Variants in QSER1 observed in about 807,000 individuals in gnomAD.
QSER1 encodes glutamine and serine-rich protein 1.
A neutral mutation model predicts 158.5 loss-of-function variants in QSER1; 49 were observed. The ratio of observed to expected loss-of-function variants is 0.31; its 90% CI spans 0.25 to 0.39. QSER1 has a LOEUF of 0.39. QSER1 is among the 10% of genes least tolerant of loss of function. QSER1 has a pLI of 1.00. For synonymous variants in QSER1, 650 were observed against 715.5 expected (o/e 0.91, Z 1.46); for missense variants, 1,754 against 2,010.3 (o/e 0.87, Z 2.44).
At position 32,893,508 on chromosome 11, in the gene QSER1, A is replaced by G. The variant is rs1036561652; in HGVS notation, c.209+174A>G. Among the ~76,000 whole-genome samples, 12 of 151,946 alleles carry G rather than the reference A, an allele frequency of 7.9e-5. No individual in the cohort carries two copies. The highest frequency in any genetic ancestry group is 1.8e-4 in the Non-Finnish European group (12 of 67,968). On this transcript the variant is annotated intron_variant, in intron 1 of 12. Coordinates refer to ENST00000650167, the MANE Select transcript of QSER1 (RefSeq NM_001076786.3). The surrounding 1 kb of genome is among the most constrained non-coding windows in gnomAD (Gnocchi z 4.7). ...TGACTCCTACGGGGTGGTCGCGGGT[A>G]GGTGGGGGCGCCCGGTGCAGGATTC...
chr11:32,961,353 T>C (rs1852620966), intron 8 of QSER1, among the ~76,000 whole-genome samples: 1 of 152,220 alleles, frequency 6.6e-6, no homozygotes, highest in Non-Finnish European at 1.5e-5. Flanking sequence ...GTCTTAACTT[T>C]ACATATCTCT....
In QSER1 at chr11:32,934,138, A is replaced by G. The variant is rs778837560; in HGVS notation, c.2880A>G (p.Gly960=). 8.1e-6 allele frequency: 13 copies of G among 1,613,964 alleles called. No individual in the cohort carries two copies. The African/African-American group carries it at 1.7e-4, about 22-fold the overall frequency. ...HDSKNQFVSL[G]SMCFPEAVLL... The stretch of plus-strand genomic sequence containing the variant: ...CAAAGAATCAGTTTGTTTCTCTTGG[A>G]TCGATGTGTTTCCCAGAGGCAGTGC... The change falls in exon 4 of 13, where the codon GGA becomes GGG. Residue 960 remains glycine (G), a synonymous_variant. Coordinates refer to ENST00000650167, the MANE Select transcript of QSER1 (RefSeq NM_001076786.3).
chr11:32,924,184 A>T lies in QSER1; in HGVS notation c.210-2973A>T, dbSNP rs1047674355. Among the ~76,000 whole-genome samples, 69 of 152,326 alleles carry T rather than the reference A, an allele frequency of 4.5e-4. 1 individual carries two copies. The highest frequency in any genetic ancestry group is 1.5e-3 in the African/African-American group (64 of 41,572). ...TGTATTAGTGACTTTGGGTTGGTGA[A>T]GATTTCTTAGGACACCAAAAGCACA... On this transcript the variant is annotated intron_variant, in intron 1 of 12. Transcript: ENST00000650167.
intron 10 of QSER1, among the ~76,000 whole-genome samples, chr11:32,971,859 C>T (rs902706201): frequency 3.3e-5 from 5 of 151,960 alleles, no homozygotes; most frequent in African/African-American, 1.2e-4. Context: ...GTCAGGAGAT[C>T]GAGACCATCC....
intron 1 of QSER1, among the ~76,000 whole-genome samples, chr11:32,914,964 A>G (rs994790210): frequency 8.5e-5 from 13 of 152,118 alleles, no homozygotes; most frequent in African/African-American, 2.9e-4. Context: ...CTGTTCCCCA[A>G]GCTGAAGTGT....
At position 32,893,088 on chromosome 11, in the gene QSER1, C is replaced by A. The variant is rs928703276; in HGVS notation, c.-38C>A. ...CCCGTCACACGGAGCCCTGGAGGAT[C>A]CCCCGCTGCTGCCCGCCCTCCCTAC... is the stretch of plus-strand genomic sequence containing the variant. On this transcript the variant is annotated 5_prime_UTR_variant, in exon 1 of 13. Coordinates refer to ENST00000650167, the MANE Select transcript of QSER1 (RefSeq NM_001076786.3). The surrounding 1 kb of genome is among the most constrained non-coding windows in gnomAD (Gnocchi z 4.7). 4 of 122,440 alleles carry A rather than the reference C, an allele frequency of 3.3e-5. No homozygotes were observed. Among genetic ancestry groups the A allele is most frequent in the Non-Finnish European group, 6.8e-5 (4 of 58,830 alleles). 7.6% of individuals were successfully genotyped at this position (122,440 alleles called of 1,614,324 possible).
intron 1 of QSER1, among the ~76,000 whole-genome samples, chr11:32,913,774 C>G (rs1460267035): frequency 6.6e-6 from 1 of 152,154 alleles, no homozygotes; most frequent in Non-Finnish European, 1.5e-5. Context: ...GTAGGTGTTA[C>G]TATTACCCAT....
At chr11:32,953,787 T>G (rs7395190) in intron 4 of QSER1, 70 bp from the exon 5 acceptor site, 1,228,747 of 1,504,310 alleles carry the variant, frequency 0.82, 505,318 homozygotes, top group East Asian at 0.99. Flanking sequence ...TTAAACTGTT[T>G]TGAGTTTTAC....
intron 1 of QSER1, among the ~76,000 whole-genome samples, chr11:32,902,810 A>G (rs1198258301): frequency 1.1e-4 from 16 of 152,180 alleles, no homozygotes; most frequent in Non-Finnish European, 1.8e-4. Context: ...GTGTTATCTC[A>G]TTTAACTTCT....
intron 1 of QSER1, among the ~76,000 whole-genome samples, chr11:32,921,152 A>T (rs1851894809): frequency 6.6e-6 from 1 of 152,244 alleles, no homozygotes; most frequent in African/African-American, 2.4e-5. Flanking sequence ...ATACAATGGA[A>T]TATTCAGCCC....
chr11:32,931,464 G>A (rs1325501325), intron 3 of QSER1, among the ~76,000 whole-genome samples: 1 of 151,870 alleles, frequency 6.6e-6, no homozygotes, highest in Non-Finnish European at 1.5e-5. Context: ...TGTAGTCTCA[G>A]CTACTTGGGA....
intron 1 of QSER1, among the ~76,000 whole-genome samples, chr11:32,904,312 C>A (rs1189515660): frequency 6.6e-6 from 1 of 151,964 alleles, no homozygotes; most frequent in Non-Finnish European, 1.5e-5. Flanking sequence ...CCTGCCTTGG[C>A]CTCCTGAGTA....
At chr11:32,953,267 G>A (rs1189730529) in intron 4 of QSER1, among the ~76,000 whole-genome samples, 1 of 150,424 alleles carries the variant, frequency 6.6e-6, no homozygotes, top group African/African-American at 2.4e-5. Flanking sequence ...TTTCCCACAT[G>A]TATTTGGTTT....
intron 4 of QSER1, among the ~76,000 whole-genome samples, chr11:32,937,761 C>T (rs1488735181): frequency 2.0e-5 from 3 of 152,164 alleles, no homozygotes; most frequent in Non-Finnish European, 4.4e-5. Context: ...ACTCTCTTTC[C>T]ACTGTCCCTC....
chr11:32,954,269 T>C, intron 5 of QSER1, 90 bp downstream of exon 5: 1 of 1,435,594 alleles, frequency 7.0e-7, no homozygotes, highest in Non-Finnish European at 9.3e-7. Context: ...ATGCATCTAC[T>C]TTGAATTATG....
In QSER1 at chr11:32,932,445, C is replaced by T. The variant is rs1316781879; in HGVS notation, c.1187C>T (p.Ala396Val). 6.2e-7 allele frequency: 1 copy of T among 1,613,202 alleles called. No individual in the cohort carries two copies. The highest frequency in any genetic ancestry group is 8.5e-7 in the Non-Finnish European group (1 of 1,179,886). The change falls in exon 4 of 13, where the codon GCG becomes GTG. Residue 396 changes from alanine (A) to valine (V), a missense_variant. Coordinates refer to ENST00000650167, the MANE Select transcript of QSER1 (RefSeq NM_001076786.3). Reference sequence around the variant, plus strand: ...GAACTTGCTCAGTCTTACTCATCTGCGATTCCATCATCAGGGTATCCTCCT... The same window carrying T: ...GAACTTGCTCAGTCTTACTCATCTGTGATTCCATCATCAGGGTATCCTCCT... ...SVELAQSYSS[A>V]IPSSGYPPST...
intron 3 of QSER1, among the ~76,000 whole-genome samples, chr11:32,931,000 G>A (rs1428380910): frequency 6.6e-6 from 1 of 152,028 alleles, no homozygotes; most frequent in African/African-American, 2.4e-5. Context: ...GATTTTTAAA[G>A]TGAATATATT....
chr11:32,946,242 A>G (rs1346690159), intron 4 of QSER1, among the ~76,000 whole-genome samples: 1 of 152,204 alleles, frequency 6.6e-6, no homozygotes, highest in African/African-American at 2.4e-5. Context: ...CAGCTCGTCA[A>G]AGTCATTCTC....
intron 8 of QSER1, among the ~76,000 whole-genome samples, chr11:32,960,743 T>C (rs1233737227): frequency 4.6e-5 from 7 of 152,226 alleles, no homozygotes; most frequent in Non-Finnish European, 7.4e-5. Flanking sequence ...TAACATTTTC[T>C]TCCCTTGGTA....
Sources: gnomAD v4.1 joint callset for allele counts (sites outside exome capture counted in the v4.1 genomes callset) on GRCh38, gnomAD v4.1.1 for gene constraint, Gnocchi (gnomAD v3.1) non-coding constraint, MANE v1.5 for transcripts, NCBI Gene and HGNC (gene_info 2026-07-23, HGNC 2026-07-21) for gene names.